RPL31: variants seen among roughly 807,000 people sequenced by gnomAD.
RPL31 encodes the protein large ribosomal subunit protein eL31.
For missense variants in RPL31, 95 were observed against 164.0 expected (o/e 0.58, Z 2.30); for synonymous variants, 51 against 55.0 (o/e 0.93, Z 0.32).
downstream of RPL31, chr2:101,008,284 A>C (rs1283144012): frequency 6.6e-7 from 1 of 1,514,080 alleles, no homozygotes; most frequent in Non-Finnish European, 8.8e-7. Flanking sequence ...CTGAAATTGA[A>C]ATAAGTCTTA....
chr2:101,011,455 G>C (rs1034191821), downstream of RPL31: 30 of 1,613,928 alleles, frequency 1.9e-5, no homozygotes, highest in Non-Finnish European at 2.5e-5. Context: ...ACGTGCCATT[G>C]GGTTTCCCGA....
rs1678772696 is a variant in RPL31, at chr2:101,007,012, A to C, written c.*631A>C. On this transcript the variant is annotated 3_prime_UTR_variant, in exon 5 of 5. Coordinates refer to ENST00000264258, the MANE Select transcript of RPL31 (RefSeq NM_000993.5). ...GTCCTAAAGCAGTGTTGCTGAGATTATGTTTCACCAGCATTTACAAGCTGT... is the reference window on the plus strand; with the variant it reads ...GTCCTAAAGCAGTGTTGCTGAGATTCTGTTTCACCAGCATTTACAAGCTGT... 6.6e-6 allele frequency: 1 copy of C among 152,238 alleles called. No homozygotes were observed. Among genetic ancestry groups the C allele is most frequent in the African/African-American group, 2.4e-5 (1 of 41,458 alleles). 9.4% of individuals were successfully genotyped at this position (152,238 alleles called of 1,614,324 possible).
At chr2:101,002,432 A>T in intron 1 of RPL31, 117 bp downstream of exon 1, 1 of 472,598 alleles carries the variant, frequency 2.1e-6, no homozygotes, top group Non-Finnish European at 3.9e-6. Flanking sequence ...GGTTGTGGGG[A>T]GATGGGAATA....
chr2:101,015,133 CTGTACAGCA>C (rs1156825817), intron 4 of RPL31, among the ~76,000 whole-genome samples: 1 of 152,152 alleles, frequency 6.6e-6, no homozygotes, highest in Non-Finnish European at 1.5e-5. Context: ...GGCTACAAAC[CTGTACAGCA>C]TGTTACTGTC....
intron 4 of RPL31, among the ~76,000 whole-genome samples, chr2:101,013,595 C>T (rs1679396063): frequency 6.6e-6 from 1 of 152,182 alleles, no homozygotes; most frequent in African/African-American, 2.4e-5. Context: ...TTCATTGCTC[C>T]AACAGATACC....
chr2:101,004,586 C>T, intron 3 of RPL31: 1 of 400,018 alleles, frequency 2.5e-6, no homozygotes, highest in Non-Finnish European at 4.4e-6. Flanking sequence ...TGGAATAAAT[C>T]ACTGTGAGCC....
At chr2:101,012,718 A>G (rs569802558) in intron 4 of RPL31, among the ~76,000 whole-genome samples, 2 of 152,322 alleles carry the variant, frequency 1.3e-5, no homozygotes, top group East Asian at 1.9e-4. Context: ...CAAAATAACA[A>G]TTATCGGGGA....
At chr2:101,011,169 C>A, downstream of RPL31, 2 of 809,776 alleles carry the variant, frequency 2.5e-6, no homozygotes, top group Non-Finnish European at 1.9e-6. Context: ...AAGAGATTCC[C>A]CTGGAGAGCC....
intron 4 of RPL31, among the ~76,000 whole-genome samples, chr2:101,015,237 A>C (rs559441954): frequency 6.6e-6 from 1 of 152,292 alleles, no homozygotes; most frequent in East Asian, 1.9e-4. Flanking sequence ...AAAATATGGT[A>C]TAAAAGAAAA....
rs969806283 is a variant in RPL31, at chr2:101,004,376, T to G, written c.233+93T>G. On this transcript the variant is annotated intron_variant, in intron 3 of 4. Transcript: ENST00000264258. Reference sequence around the variant, plus strand: ...AGCCCATATCAGTTCAGTAATTTGGTTAATGCATGTGGAAGTATAAAAAAA... The same window carrying G: ...AGCCCATATCAGTTCAGTAATTTGGGTAATGCATGTGGAAGTATAAAAAAA... The G allele has an allele frequency of 8.7e-6, 12 of 1,385,622 alleles. No homozygotes were observed. In the Admixed American group the frequency reaches 1.1e-4, roughly 12 times the overall value. The allele number at this position is 1,385,622 out of a possible 1,614,324, so 85.8% of individuals were successfully genotyped here.
At chr2:101,015,488 C>T (rs1187554149) in intron 4 of RPL31, among the ~76,000 whole-genome samples, 1 of 152,152 alleles carries the variant, frequency 6.6e-6, no homozygotes, top group Non-Finnish European at 1.5e-5. Flanking sequence ...CTTTTTGACT[C>T]TTTTGTAATA....
downstream of RPL31, chr2:101,008,288 AG>A (rs1558962444): frequency 1.3e-6 from 2 of 1,504,060 alleles, no homozygotes; most frequent in South Asian, 2.8e-5. Flanking sequence ...AATTGAAATA[AG>A]TCTTAGGTAG....
At chr2:101,003,917 T>C (rs1031092597) in intron 2 of RPL31, among the ~76,000 whole-genome samples, 2 of 152,216 alleles carry the variant, frequency 1.3e-5, no homozygotes, top group African/African-American at 4.8e-5. Context: ...AAAAAAGGAT[T>C]GTTACTGCCT....
chr2:101,004,688 T>G, intron 3 of RPL31: 1 of 212,338 alleles, frequency 4.7e-6, no homozygotes, highest in Non-Finnish European at 9.2e-6. Flanking sequence ...GTTTTACCTG[T>G]CCTTCCCGGG....
rs1573863406 is a variant in RPL31 at position 101,014,841 on chromosome 2, CTT to C, written c.347-4156_347-4155del. Reference sequence around the variant, plus strand: ...TAGTGGGTATAACTTGAGTGCCAAACTTCTCTCTTAGACAACCAGTAGTCACA... The same window carrying C: ...TAGTGGGTATAACTTGAGTGCCAAACCTCTCTTAGACAACCAGTAGTCACA... On this transcript the variant is annotated intron_variant, in intron 4 of 4. Coordinates refer to the RPL31 transcript ENST00000409028. Among the ~76,000 whole-genome samples the C allele has an allele frequency of 3.3e-5, 5 of 152,166 alleles. No individual in the cohort carries two copies. In the South Asian group the frequency reaches 8.3e-4, roughly 25 times the overall value.
chr2:101,004,215 G>A lies in RPL31; in HGVS notation c.165G>A (p.Lys55=). The A allele has an allele frequency of 6.2e-7, 1 of 1,614,084 alleles. No homozygotes were observed. Among genetic ancestry groups the A allele is most frequent in the Non-Finnish European group, 8.5e-7 (1 of 1,179,960 alleles). Residue 55 remains lysine (K), a synonymous_variant, in exon 3 of 5, where the codon AAG becomes AAA. Coordinates refer to ENST00000264258, the MANE Select transcript of RPL31 (RefSeq NM_000993.5). ...AAGAGATTCGGAAATTTGCCATGAAGGAGATGGGAACTCCAGATGTGCGCA... is the reference window on the plus strand; with the variant it reads ...AAGAGATTCGGAAATTTGCCATGAAAGAGATGGGAACTCCAGATGTGCGCA... ...ALKEIRKFAM[K]EMGTPDVRID...
intron 2 of RPL31, among the ~76,000 whole-genome samples, chr2:101,003,320 TTTG>T (rs1354756471): frequency 6.6e-6 from 1 of 152,200 alleles, no homozygotes; most frequent in East Asian, 1.9e-4. Context: ...TCTGTTTTGT[TTTG>T]TTTTGTTTGA....
chr2:101,011,354 A>T (rs1679194954), downstream of RPL31: 2 of 1,220,818 alleles, frequency 1.6e-6, no homozygotes, highest in African/African-American at 3.0e-5. Flanking sequence ...AAGGGAAAAG[A>T]CAAGGCTGCT....
intron 3 of RPL31, chr2:101,005,407 C>A (rs1177372935): frequency 6.5e-6 from 1 of 154,696 alleles, no homozygotes; most frequent in African/African-American, 2.4e-5. Context: ...CTCCTGGGTT[C>A]CAGCTATTTT....
Sources: gnomAD v4.1 joint callset for allele counts (sites outside exome capture counted in the v4.1 genomes callset) on GRCh38, gnomAD v4.1.1 for gene constraint, MANE v1.5 for transcripts, NCBI Gene and HGNC (gene_info 2026-07-23, HGNC 2026-07-21) for gene names.